Variants in RAD51C observed in about 807,000 individuals in gnomAD.
RAD51C encodes the protein DNA repair protein RAD51 homolog 3.
A neutral mutation model predicts 45.0 loss-of-function variants in RAD51C; 42 were observed. The ratio of observed to expected loss-of-function variants is 0.93; its 90% CI spans 0.73 to 1.21. RAD51C has a LOEUF of 1.21. RAD51C is among the 50% of genes most tolerant of loss of function. The pLI is 0.00. For missense variants in RAD51C, 474 were observed against 452.2 expected (o/e 1.05, Z -0.44); for synonymous variants, 172 against 159.8 (o/e 1.08, Z -0.58).
intron 5 of RAD51C, among the ~76,000 whole-genome samples, chr17:58,720,463 ATTATTTAT>A (rs759702380): frequency 6.6e-6 from 1 of 151,524 alleles, no homozygotes. Flanking sequence ...TGTTTACTTG[ATTATTTAT>A]TTATTTATTT....
intron 3 of RAD51C, among the ~76,000 whole-genome samples, chr17:58,697,789 T>A (rs1446866327): frequency 2.0e-5 from 3 of 151,490 alleles, no homozygotes; most frequent in Non-Finnish European, 2.9e-5. Context: ...CTTGGCTCAC[T>A]GCAACTTCCA....
chr17:58,707,419 G>T (rs1177860177), intron 4 of RAD51C, among the ~76,000 whole-genome samples: 2 of 151,928 alleles, frequency 1.3e-5, no homozygotes, highest in Non-Finnish European at 2.9e-5. Context: ...CTACTAGGGA[G>T]TCTGAGGCGG....
intron 3 of RAD51C, among the ~76,000 whole-genome samples, chr17:58,702,109 C>A (rs546071386): frequency 5.4e-4 from 82 of 151,880 alleles, no homozygotes; most frequent in African/African-American, 1.9e-3. Flanking sequence ...AATCCTCTCA[C>A]CTTAACCTCC....
chr17:58,692,589 C>T, upstream of RAD51C: 1 of 1,609,738 alleles, frequency 6.2e-7, no homozygotes, highest in Non-Finnish European at 8.5e-7. Context: ...ACGCCGCACG[C>T]CCCAGCGAGG....
At chr17:58,716,959 C>CA (rs1204737308) in intron 5 of RAD51C, among the ~76,000 whole-genome samples, 7 of 151,982 alleles carry the variant, frequency 4.6e-5, no homozygotes, top group African/African-American at 1.7e-4. Context: ...CACCACCACG[C>CA]CCGGCTAATT....
At chr17:58,726,644 G>GTATACGTATAGATGTATATACA (rs1476773946) in intron 7 of RAD51C, among the ~76,000 whole-genome samples, 3 of 145,946 alleles carry the variant, frequency 2.1e-5, no homozygotes, top group Admixed American at 6.8e-5. Flanking sequence ...ATGTATATAC[G>GTATACGTATAGATGTATATACA]TATACGTATA....
At chr17:58,710,782 AAG>A (rs2048532515) in intron 5 of RAD51C, among the ~76,000 whole-genome samples, 1 of 152,044 alleles carries the variant, frequency 6.6e-6, no homozygotes, top group Non-Finnish European at 1.5e-5. Flanking sequence ...CTCAGAAGGG[AAG>A]AGATTTTTTT....
Position 58,720,798 on chromosome 17 carries a change from T to C in RAD51C, c.890T>C (p.Leu297Pro), listed in dbSNP as rs143026267. ...AAGATTGATAGAAATCAGGCCTTGC[T>C]TGTTCCTGCATTAGGTGGGTAATTA... ...TTKIDRNQAL[L>P]VPALGESWGH... The change falls in exon 6 of 9, where the codon CTT becomes CCT. Residue 297 changes from leucine to proline, a missense_variant. Coordinates refer to ENST00000337432, the MANE Select transcript of RAD51C (RefSeq NM_058216.3). The C allele has an allele frequency of 2.8e-5, 45 of 1,611,706 alleles. No homozygotes were observed. In the African/African-American group the frequency reaches 6.0e-4, roughly 22 times the overall value.
intron 7 of RAD51C, among the ~76,000 whole-genome samples, chr17:58,726,793 T>G (rs1464673802): frequency 6.6e-6 from 1 of 152,042 alleles, no homozygotes; most frequent in East Asian, 1.9e-4. Flanking sequence ...GAAAATAGTA[T>G]TATCTACATT....
At chr17:58,707,361 A>G (rs1038538350) in intron 4 of RAD51C, among the ~76,000 whole-genome samples, 1 of 152,178 alleles carries the variant, frequency 6.6e-6, no homozygotes, top group African/African-American at 2.4e-5. Context: ...TCTACTAAAA[A>G]TACAAAAAAA....
At chr17:58,704,270 A>G (rs1292228614) in intron 4 of RAD51C, among the ~76,000 whole-genome samples, 1 of 151,288 alleles carries the variant, frequency 6.6e-6, no homozygotes, top group Admixed American at 6.6e-5. Flanking sequence ...GCCTTTATTT[A>G]TTTATTTTTT....
At chr17:58,731,385 G>A (rs1316666199) in intron 7 of RAD51C, among the ~76,000 whole-genome samples, 4 of 150,562 alleles carry the variant, frequency 2.7e-5, no homozygotes, top group African/African-American at 4.9e-5. Context: ...TCAGCCTCCC[G>A]AGTAGCTGGG....
At chr17:58,694,832 G>A (rs2143714674) in intron 1 of RAD51C, 99 bp from the exon 2 acceptor site, 1 of 1,135,944 alleles carries the variant, frequency 8.8e-7, no homozygotes, top group South Asian at 1.3e-5. Context: ...TCCACTCCTA[G>A]CATCACTGTT....
intron 5 of RAD51C, among the ~76,000 whole-genome samples, chr17:58,714,611 A>G (rs2048668763): frequency 6.6e-6 from 1 of 152,078 alleles, no homozygotes; most frequent in Admixed American, 6.6e-5. Flanking sequence ...GGCGCGTGCC[A>G]CCATGCCCGG....
chr17:58,700,320 T>A (rs1028063548), intron 3 of RAD51C: 7 of 152,086 alleles, frequency 4.6e-5, no homozygotes, highest in Non-Finnish European at 8.8e-5. Context: ...GAAAAGGAGT[T>A]TTTCTTCCCT....
chr17:58,695,657 T>A (rs909120067), intron 2 of RAD51C, among the ~76,000 whole-genome samples: 23 of 152,018 alleles, frequency 1.5e-4, no homozygotes, highest in African/African-American at 5.3e-4. Context: ...TGGTGGCACA[T>A]GCCTGTGGTC....
At chr17:58,705,894 C>T (rs2567901) in intron 4 of RAD51C, 36,163 of 149,572 alleles carry the variant, frequency 0.24, 5,231 homozygotes, top group Middle Eastern at 0.41. Flanking sequence ...ACGTCTTAAC[C>T]GGTTCCATCA....
intron 2 of RAD51C, among the ~76,000 whole-genome samples, 200 bp from the exon 3 acceptor site, chr17:58,696,493 C>T (rs956231157): frequency 5.9e-5 from 9 of 152,156 alleles, no homozygotes; most frequent in South Asian, 2.1e-4. Flanking sequence ...ATGCCCTCCC[C>T]GAATCCAGTT....
In RAD51C at chr17:58,734,223, C is replaced by T. The variant is rs1182383626; in HGVS notation, c.*1C>T. 6.2e-7 allele frequency: 1 copy of T among 1,609,864 alleles called. No individual in the cohort carries two copies. On this transcript the variant is annotated 3_prime_UTR_variant, in exon 9 of 9. Transcript: ENST00000337432. ...ACGAGACCCAGAGGAAGAATTATAA[C>T]CCAGAAACAAATCTCAAAGTGTACA...
Sources: gnomAD v4.1 joint callset for allele counts (sites outside exome capture counted in the v4.1 genomes callset) on GRCh38, gnomAD v4.1.1 for gene constraint, MANE v1.5 for transcripts, NCBI Gene and HGNC (gene_info 2026-07-23, HGNC 2026-07-21) for gene names.